CCDC178: variants seen among roughly 807,000 people sequenced by gnomAD.
CCDC178 encodes coiled-coil domain containing 178.
A neutral mutation model predicts 117.4 loss-of-function variants in CCDC178; 126 were observed. The observed-to-expected ratio is 1.07, with a 90% confidence interval of 0.93 to 1.24. The LOEUF (loss-of-function observed/expected upper bound fraction) is 1.24, where lower values mean the gene tolerates loss of function less well. Ranked by LOEUF, CCDC178 falls within the 50% of genes most tolerant of loss-of-function variation. The probability of loss-of-function intolerance (pLI) is 0.00; values close to 1 mark genes in which losing one functional copy is unlikely to be tolerated. For synonymous variants in CCDC178, 283 were observed against 313.4 expected (o/e 0.90, Z 1.02); for missense variants, 1,030 against 986.9 (o/e 1.04, Z -0.59).
intron 20 of CCDC178, among the ~76,000 whole-genome samples, chr18:33,175,863 C>T (rs2058658825): frequency 3.9e-5 from 6 of 152,198 alleles, no homozygotes; most frequent in Admixed American, 3.9e-4. Context: ...TTTGCTTCTA[C>T]AACTGCCTTC....
chr18:33,022,676 T>C (rs1208012006), intron 21 of CCDC178, among the ~76,000 whole-genome samples: 6 of 151,830 alleles, frequency 4.0e-5, no homozygotes, highest in Non-Finnish European at 7.4e-5. Context: ...AACTGAGAAA[T>C]GAAAACAGAA....
chr18:33,193,565 T>A (rs2058889091), intron 20 of CCDC178, among the ~76,000 whole-genome samples: 1 of 152,184 alleles, frequency 6.6e-6, no homozygotes, highest in South Asian at 2.1e-4. Flanking sequence ...TTTTATATTT[T>A]TATAGGTGAT....
At chr18:33,127,196 A>G (rs1284127171) in intron 20 of CCDC178, among the ~76,000 whole-genome samples, 1 of 151,722 alleles carries the variant, frequency 6.6e-6, no homozygotes, top group Non-Finnish European at 1.5e-5. Context: ...AAAAATATAA[A>G]CTTTCTGATA....
chr18:33,402,915 C>G (rs2144867072), intron 3 of CCDC178, among the ~76,000 whole-genome samples: 1 of 152,310 alleles, frequency 6.6e-6, no homozygotes, highest in Admixed American at 6.5e-5. Flanking sequence ...TAGACTTACT[C>G]TATCAAAATC....
At chr18:33,378,135 T>C (rs1278139949) in intron 5 of CCDC178, among the ~76,000 whole-genome samples, 1 of 152,218 alleles carries the variant, frequency 6.6e-6, no homozygotes, top group Non-Finnish European at 1.5e-5. Context: ...CAGTGTTTTG[T>C]AGTTCTCCCT....
intron 20 of CCDC178, among the ~76,000 whole-genome samples, chr18:33,099,995 T>C (rs1367557272): frequency 6.6e-6 from 1 of 152,014 alleles, no homozygotes; most frequent in Non-Finnish European, 1.5e-5. Context: ...AAATGCTCTC[T>C]ATTCACTCAT....
In CCDC178 at chr18:33,393,630, T is replaced by C. The variant is rs940643901; in HGVS notation, c.118+3519A>G. On this transcript the variant is annotated intron_variant, in intron 4 of 22. Coordinates refer to ENST00000383096, the MANE Select transcript of CCDC178 (RefSeq NM_001105528.4). ...CTGACTTTGTTTGCTCAATATATTT[T>C]TGAGATTCACCAATGCTACTCCATG... Among the ~76,000 whole-genome samples, 3 of 152,300 alleles carry C rather than the reference T, an allele frequency of 2.0e-5. No homozygotes were observed. The East Asian group carries it at 5.8e-4, about 29-fold the overall frequency.
At chr18:33,198,659 T>C (rs974358632) in intron 20 of CCDC178, among the ~76,000 whole-genome samples, 1 of 152,176 alleles carries the variant, frequency 6.6e-6, no homozygotes. Flanking sequence ...TAGACACTGA[T>C]ATATAAATAT....
chr18:33,327,905 C>A (rs985663480), intron 10 of CCDC178, among the ~76,000 whole-genome samples: 1 of 151,852 alleles, frequency 6.6e-6, no homozygotes, highest in Non-Finnish European at 1.5e-5. Flanking sequence ...GAACTATATC[C>A]GTTTGAGATA....
intron 21 of CCDC178, among the ~76,000 whole-genome samples, chr18:33,068,612 T>C (rs1186854424): frequency 6.6e-6 from 1 of 152,136 alleles, no homozygotes; most frequent in African/African-American, 2.4e-5. Context: ...TTTGGTAAAA[T>C]TCAACATTGC....
chr18:32,962,790 T>C (rs1411763661), intron 22 of CCDC178, among the ~76,000 whole-genome samples: 1 of 152,044 alleles, frequency 6.6e-6, no homozygotes, highest in Non-Finnish European at 1.5e-5. Context: ...AAAATGGCCA[T>C]ATTATTTCTA....
intron 5 of CCDC178, among the ~76,000 whole-genome samples, chr18:33,373,645 T>A (rs890470583): frequency 2.2e-4 from 34 of 152,176 alleles, no homozygotes; most frequent in Non-Finnish European, 4.4e-4. Context: ...TTTCTCTTTA[T>A]AAGAATGGAT....
chr18:32,973,214 T>G (rs184886974), intron 22 of CCDC178, among the ~76,000 whole-genome samples: 141 of 152,244 alleles, frequency 9.3e-4, no homozygotes, highest in Middle Eastern at 6.8e-3. Flanking sequence ...TTTTAATATT[T>G]GAAAAGACAT....
intron 21 of CCDC178, among the ~76,000 whole-genome samples, chr18:33,022,209 T>C (rs1458479769): frequency 6.6e-6 from 1 of 152,090 alleles, no homozygotes; most frequent in East Asian, 1.9e-4. Context: ...TGTGTGCTGG[T>C]TTGTATTTTG....
intron 20 of CCDC178, among the ~76,000 whole-genome samples, chr18:33,134,412 T>C (rs1763014301): frequency 6.6e-6 from 1 of 152,114 alleles, no homozygotes; most frequent in South Asian, 2.1e-4. Context: ...AATTACAAGC[T>C]TGCATCCCAA....
At chr18:33,073,452 G>A (rs148615826) in intron 21 of CCDC178, among the ~76,000 whole-genome samples, 261 of 152,080 alleles carry the variant, frequency 1.7e-3, no homozygotes, top group African/African-American at 6.0e-3. Flanking sequence ...CTGTATTACT[G>A]TATATTGAAT....
At chr18:33,181,344 TGCC>T (rs2058730506) in intron 20 of CCDC178, among the ~76,000 whole-genome samples, 1 of 151,950 alleles carries the variant, frequency 6.6e-6, no homozygotes, top group Non-Finnish European at 1.5e-5. Flanking sequence ...CAGTAAATAC[TGCC>T]ATTCTTATAC....
At chr18:33,188,087 G>C (rs1205497761) in intron 20 of CCDC178, among the ~76,000 whole-genome samples, 1 of 152,096 alleles carries the variant, frequency 6.6e-6, no homozygotes, top group African/African-American at 2.4e-5. Context: ...GAATGCAAAA[G>C]GGATAAAGAA....
At chr18:33,337,475 G>T (rs932657895) in intron 9 of CCDC178, among the ~76,000 whole-genome samples, 3 of 151,976 alleles carry the variant, frequency 2.0e-5, no homozygotes, top group South Asian at 2.1e-4. Flanking sequence ...GGGCATCCTT[G>T]TCTTGCTCCA....
Sources: gnomAD v4.1 joint callset for allele counts (sites outside exome capture counted in the v4.1 genomes callset) on GRCh38, gnomAD v4.1.1 for gene constraint, MANE v1.5 for transcripts, NCBI Gene and HGNC (gene_info 2026-07-23, HGNC 2026-07-21) for gene names.